The following ARRB1 variants were observed in gnomAD, a reference collection of about 807,000 sequenced individuals.
The protein encoded by ARRB1 is beta-arrestin-1.
In ARRB1, 21 loss-of-function variants were observed where a neutral mutation model predicts 56.8. The ratio of observed to expected loss-of-function variants is 0.37; its 90% CI spans 0.26 to 0.53. ARRB1 has a LOEUF of 0.53. Ranked by LOEUF, ARRB1 falls within the 20% of genes least tolerant of loss-of-function variation. The pLI, the probability that ARRB1 is intolerant of heterozygous loss-of-function variation, is 0.88. For missense variants in ARRB1, 424 were observed against 553.7 expected (o/e 0.77, Z 2.35); for synonymous variants, 210 against 218.6 (o/e 0.96, Z 0.35).
At chr11:75,328,082 A>G (rs945692955) in intron 1 of ARRB1, among the ~76,000 whole-genome samples, 3 of 152,168 alleles carry the variant, frequency 2.0e-5, no homozygotes, top group African/African-American at 7.2e-5. Flanking sequence ...CTTACTCACT[A>G]TGTAGTCTCT....
In ARRB1 at chr11:75,283,481, A is replaced by G; in HGVS notation, c.160T>C (p.Tyr54His). 1 of 1,607,116 alleles carries G rather than the reference A, an allele frequency of 6.2e-7. No individual in the cohort carries two copies. The highest frequency in any genetic ancestry group is 8.5e-7 in the Non-Finnish European group (1 of 1,175,686). ...CGGAAGGCGCAGGTCAGCGTCACAT[A>G]GACTGTGGGGAGCGAGGAGCACTGA... ...DPEYLKERRV[Y>H]VTLTCAFRYG... Residue 54 changes from tyrosine (Y) to histidine (H), a missense_variant and splice_region_variant, in exon 5 of 16, where the codon TAT becomes CAT. Around this residue, in one of 3 missense-constraint regions of ARRB1, gnomAD observed 301 missense variants for 387.9 expected, o/e 0.78. Coordinates refer to ENST00000420843, the MANE Select transcript of ARRB1 (RefSeq NM_004041.5).
chr11:75,331,622 C>T (rs1385393956), intron 1 of ARRB1, among the ~76,000 whole-genome samples: 2 of 151,922 alleles, frequency 1.3e-5, no homozygotes, highest in African/African-American at 2.4e-5. Context: ...AGAACAACCC[C>T]CTTTTGACTG....
chr11:75,278,480 C>G, intron 8 of ARRB1, 129 bp downstream of exon 8: 2 of 1,347,662 alleles, frequency 1.5e-6, no homozygotes, highest in East Asian at 5.0e-5. Flanking sequence ...TTCCCTGACC[C>G]CTGTGGTCCT....
chr11:75,287,224 C>T (rs996486733), intron 3 of ARRB1, 91 bp downstream of exon 3: 27 of 1,360,506 alleles, frequency 2.0e-5, no homozygotes, highest in Non-Finnish European at 2.6e-5. Flanking sequence ...GTTCTTGGCA[C>T]CGGGCCCCTC....
At chr11:75,333,809 T>C (rs1947557457) in intron 1 of ARRB1, among the ~76,000 whole-genome samples, 1 of 152,128 alleles carries the variant, frequency 6.6e-6, no homozygotes, top group African/African-American at 2.4e-5. Context: ...CAGCCACCTG[T>C]CTTAGGGAAG....
chr11:75,300,100 G>A (rs897120547), intron 1 of ARRB1, among the ~76,000 whole-genome samples: 2 of 151,518 alleles, frequency 1.3e-5, no homozygotes, highest in Admixed American at 6.6e-5. Flanking sequence ...AACTACTCAG[G>A]AGGCTGAGGC....
intron 7 of ARRB1, among the ~76,000 whole-genome samples, chr11:75,279,886 TG>T (rs1406456390): frequency 6.6e-6 from 1 of 152,188 alleles, no homozygotes; most frequent in Non-Finnish European, 1.5e-5. Flanking sequence ...CAGGCTGGTC[TG>T]GAACTCCTGG....
chr11:75,334,966 A>G (rs936471993), intron 1 of ARRB1: 4 of 166,544 alleles, frequency 2.4e-5, no homozygotes, highest in African/African-American at 7.2e-5. Context: ...TAAAAAAAAA[A>G]GAGTACAAAA....
intron 1 of ARRB1, among the ~76,000 whole-genome samples, chr11:75,313,457 G>T (rs188364613): frequency 1.3e-5 from 2 of 152,358 alleles, no homozygotes; most frequent in African/African-American, 4.8e-5. Flanking sequence ...TAGGGGGAGA[G>T]TCTGAGGAGG....
At chr11:75,308,840 G>A (rs1200037995) in intron 1 of ARRB1, among the ~76,000 whole-genome samples, 1 of 152,150 alleles carries the variant, frequency 6.6e-6, no homozygotes, top group Non-Finnish European at 1.5e-5. Context: ...GCGCAAGTGA[G>A]CCTCCCACCT....
At chr11:75,274,304 G>A (rs1946143268) in intron 10 of ARRB1, 93 bp from the exon 11 acceptor site, 2 of 1,530,138 alleles carry the variant, frequency 1.3e-6, no homozygotes, top group Non-Finnish European at 1.8e-6. Context: ...GTCTGAGCCT[G>A]CTCCAAGTCT....
chr11:75,272,580 C>T (rs1207757183), intron 12 of ARRB1, among the ~76,000 whole-genome samples: 3 of 152,124 alleles, frequency 2.0e-5, no homozygotes, highest in South Asian at 4.1e-4. Context: ...GACCCCACAG[C>T]AAAGACTCTG....
chr11:75,306,790 C>T, intron 1 of ARRB1: 2 of 729,218 alleles, frequency 2.7e-6, no homozygotes, highest in South Asian at 3.6e-5. Flanking sequence ...CTCCTCCGGG[C>T]TTCTCGGGCC....
Position 75,334,306 on chromosome 11 carries a change from C to CAAAAAAA in ARRB1, c.20+17275_20+17281dup, listed in dbSNP as rs11403871. On this transcript the variant is annotated intron_variant, in intron 1 of 15. Transcript: ENST00000420843. ...TGACAGGGCAAGACTCCGTCTCAAA[C>CAAAAAAA]AAAAAAAAAAAAAAAAAAAAGGCCC... is the stretch of plus-strand genomic sequence containing the variant. Among the ~76,000 whole-genome samples, 3 of 109,712 alleles carry CAAAAAAA rather than the reference C, an allele frequency of 2.7e-5. 1 individual carries two copies. The allele number at this position is 109,712 out of a possible 152,430, so 72.0% of individuals were successfully genotyped here.
intron 1 of ARRB1, among the ~76,000 whole-genome samples, chr11:75,324,992 C>G (rs527618095): frequency 3.7e-4 from 55 of 149,606 alleles, no homozygotes; most frequent in Admixed American, 1.6e-3. Flanking sequence ...GAGACTCAGG[C>G]AGGGCTGGGC....
At chr11:75,332,434 G>A (rs959880439) in intron 1 of ARRB1, among the ~76,000 whole-genome samples, 2 of 152,156 alleles carry the variant, frequency 1.3e-5, no homozygotes, top group African/African-American at 4.8e-5. Context: ...ACCTTTTAAA[G>A]GTCTGAATAG....
rs183878893 is a variant in ARRB1 at position 75,334,081 on chromosome 11, C to T, written c.20+17507G>A. ...GCGCGGTGGCTCACGCTTGTAATCC[C>T]AGCACTTTGGGAGGCCCAGGTGGGC... On this transcript the variant is annotated intron_variant, in intron 1 of 15. Transcript: ENST00000420843. 5.3e-5 allele frequency among the ~76,000 whole-genome samples: 8 copies of T among 152,262 alleles called. 1 individual carries two copies. The East Asian group carries it at 1.2e-3, about 22-fold the overall frequency.
chr11:75,293,194 A>G (rs907251710), intron 1 of ARRB1, among the ~76,000 whole-genome samples: 1 of 152,004 alleles, frequency 6.6e-6, no homozygotes, highest in Non-Finnish European at 1.5e-5. Context: ...TCCTCAAACA[A>G]CAGCAGCAGC....
intron 12 of ARRB1, 146 bp downstream of exon 12, chr11:75,272,736 AGAGGAACAGAAGG>A: frequency 3.1e-6 from 2 of 640,548 alleles, no homozygotes; most frequent in Middle Eastern, 4.1e-4. Context: ...CGGGGGAGAA[AGAGGAACAGAAGG>A]GAGGAAAAGA....
Sources: allele counts gnomAD v4.1 joint callset (sites outside exome capture counted in the v4.1 genomes callset), GRCh38; gene constraint gnomAD v4.1.1; regional missense constraint gnomAD v4.1.1; transcripts MANE v1.5; gene names NCBI Gene and HGNC (gene_info 2026-07-23, HGNC 2026-07-21).